TRIP12: variants seen among roughly 807,000 people sequenced by gnomAD.
TRIP12 encodes the protein E3 ubiquitin-protein ligase TRIP12.
In TRIP12, 25 loss-of-function variants were observed where a neutral mutation model predicts 244.2. The ratio of observed to expected loss-of-function variants is 0.10; its 90% CI spans 0.07 to 0.14. The LOEUF (loss-of-function observed/expected upper bound fraction) is 0.14. Ranked by LOEUF, TRIP12 falls within the 10% of genes least tolerant of loss-of-function variation. The pLI is 1.00. For missense variants in TRIP12, 1,677 were observed against 2,486.4 expected (o/e 0.67, Z 6.92); for synonymous variants, 905 against 873.1 (o/e 1.04, Z -0.64).
At chr2:229,796,504 C>CTG in intron 25 of TRIP12, 87 bp downstream of exon 25, 1 of 1,246,672 alleles carries the variant, frequency 8.0e-7, no homozygotes, top group Non-Finnish European at 1.1e-6. Context: ...TGACCAAGAC[C>CTG]TGCTGGAAAT....
chr2:229,922,653 T>A (rs1447829972), upstream of TRIP12: 1 of 1,594,524 alleles, frequency 6.3e-7, no homozygotes, highest in South Asian at 1.1e-5. Context: ...ACTCCCTACC[T>A]GGCCCGGTTG....
chr2:229,848,918 GA>G (rs1338080123), intron 4 of TRIP12, among the ~76,000 whole-genome samples: 2 of 152,008 alleles, frequency 1.3e-5, no homozygotes, highest in Non-Finnish European at 2.9e-5. Flanking sequence ...TCTAAATTTT[GA>G]AAAAATAAAT....
chr2:229,828,295 G>C (rs1007571662), intron 8 of TRIP12, among the ~76,000 whole-genome samples: 2 of 151,102 alleles, frequency 1.3e-5, no homozygotes, highest in African/African-American at 4.9e-5. Context: ...ACAGGTTTCA[G>C]ATACTTTAAA....
At chr2:229,782,611 A>C (rs778607319) in intron 34 of TRIP12, among the ~76,000 whole-genome samples, 1 of 152,222 alleles carries the variant, frequency 6.6e-6, no homozygotes, top group African/African-American at 2.4e-5. Context: ...TCCAGTACAC[A>C]ACAACTTATA....
chr2:229,807,182 T>C (rs1346670183), intron 17 of TRIP12: 1 of 155,486 alleles, frequency 6.4e-6, no homozygotes, highest in African/African-American at 2.4e-5. Flanking sequence ...TAATATTGTA[T>C]AGTGTTTTTC....
At chr2:229,802,764 AAAC>A (rs1412328084) in intron 20 of TRIP12, among the ~76,000 whole-genome samples, 2 of 152,236 alleles carry the variant, frequency 1.3e-5, no homozygotes, top group African/African-American at 4.8e-5. Context: ...CTCATTATAA[AAAC>A]AATAATCAAC....
intron 34 of TRIP12, 133 bp downstream of exon 34, chr2:229,785,624 C>T (rs183511765): frequency 1.2e-6 from 1 of 804,764 alleles, no homozygotes; most frequent in Admixed American, 3.4e-5. Flanking sequence ...GAACTTAGAA[C>T]AAATCATTCA....
chr2:229,788,089 C>T (rs1052894482), intron 32 of TRIP12, among the ~76,000 whole-genome samples: 2 of 152,200 alleles, frequency 1.3e-5, no homozygotes, highest in African/African-American at 4.8e-5. Context: ...AGATGTGAGC[C>T]ACCACGTCCA....
At chr2:229,881,408 AAG>A (rs929981386) in intron 1 of TRIP12, among the ~76,000 whole-genome samples, 2 of 152,238 alleles carry the variant, frequency 1.3e-5, no homozygotes, top group African/African-American at 2.4e-5. Flanking sequence ...TTTACTGGGA[AAG>A]AGAGTGAACA....
chr2:229,780,893 C>T (rs1166133619), intron 34 of TRIP12, among the ~76,000 whole-genome samples: 1 of 152,124 alleles, frequency 6.6e-6, no homozygotes, highest in East Asian at 1.9e-4. Flanking sequence ...ATCCCAAGCA[C>T]TAGAGGCCTG....
intron 34 of TRIP12, among the ~76,000 whole-genome samples, chr2:229,779,403 T>C (rs1245407014): frequency 6.6e-6 from 1 of 152,190 alleles, no homozygotes; most frequent in Non-Finnish European, 1.5e-5. Flanking sequence ...TCCCAACAGT[T>C]AGTCTGTTCC....
intron 34 of TRIP12, among the ~76,000 whole-genome samples, chr2:229,782,316 C>T (rs1476476032): frequency 6.6e-6 from 1 of 152,128 alleles, no homozygotes; most frequent in Non-Finnish European, 1.5e-5. Flanking sequence ...AACACTTCTA[C>T]AGCAGTACTA....
chr2:229,912,538 C>T (rs984263280), intron 1 of TRIP12, among the ~76,000 whole-genome samples: 1 of 152,136 alleles, frequency 6.6e-6, no homozygotes, highest in African/African-American at 2.4e-5. Flanking sequence ...ACAATTACAC[C>T]TTTAAGCTCC....
chr2:229,843,094 C>A (rs1216859749), intron 4 of TRIP12, among the ~76,000 whole-genome samples: 2 of 131,700 alleles, frequency 1.5e-5, no homozygotes, highest in Non-Finnish European at 3.2e-5. Flanking sequence ...CCCTCCTTCT[C>A]TCTCTCCCTC....
chr2:229,869,057 G>C (rs1431205187), intron 2 of TRIP12, among the ~76,000 whole-genome samples: 1 of 152,176 alleles, frequency 6.6e-6, no homozygotes, highest in Non-Finnish European at 1.5e-5. Context: ...CTGAATATCT[G>C]AATGTGCAGG....
At chr2:229,785,490 G>A (rs1363978748) in intron 34 of TRIP12, among the ~76,000 whole-genome samples, 2 of 152,122 alleles carry the variant, frequency 1.3e-5, no homozygotes, top group African/African-American at 4.8e-5. Context: ...CAAACATTTT[G>A]AAAGTTATCA....
In TRIP12 at chr2:229,859,117, C is replaced by G; in HGVS notation, c.682G>C (p.Ala228Pro). The G allele has an allele frequency of 6.2e-7, 1 of 1,614,202 alleles. No individual in the cohort carries two copies. Among genetic ancestry groups the G allele is most frequent in the Non-Finnish European group, 8.5e-7 (1 of 1,180,034 alleles). The change falls in exon 4 of 42, where the codon GCC becomes CCC. Residue 228 changes from alanine to proline, a missense_variant. Around this residue, in one of 11 missense-constraint regions of TRIP12, gnomAD observed 387 missense variants for 392.6 expected, o/e 0.99. Transcript: ENST00000675903. ...GTGATGGTGCTACACCCAGCTTTGG[C>G]TGAGGTGGCTGATTTTGAAGCCAGC... ...TKLASKSATS[A>P]KAGCSTITDS...
intron 4 of TRIP12, among the ~76,000 whole-genome samples, chr2:229,844,160 G>C (rs1246886938): frequency 1.3e-5 from 2 of 152,182 alleles, no homozygotes; most frequent in African/African-American, 4.8e-5. Flanking sequence ...TCTTATGTAA[G>C]AATAGTTAAG....
At chr2:229,910,863 A>G (rs2074129396) in intron 1 of TRIP12, among the ~76,000 whole-genome samples, 1 of 152,218 alleles carries the variant, frequency 6.6e-6, no homozygotes, top group Admixed American at 6.5e-5. Flanking sequence ...AACATTACTA[A>G]TGACAGTTGA....
Sources: gnomAD v4.1 joint callset for allele counts (sites outside exome capture counted in the v4.1 genomes callset) on GRCh38, gnomAD v4.1.1 for gene constraint, gnomAD v4.1.1 regional missense constraint, MANE v1.5 for transcripts, NCBI Gene and HGNC (gene_info 2026-07-23, HGNC 2026-07-21) for gene names.